ADAMTS17: variants seen among roughly 807,000 people sequenced by gnomAD.
ADAMTS17 encodes A disintegrin and metalloproteinase with thrombospondin motifs 17.
A neutral mutation model predicts 141.5 loss-of-function variants in ADAMTS17; 113 were observed. The ratio of observed to expected loss-of-function variants is 0.80; its 90% CI spans 0.69 to 0.93. The LOEUF (loss-of-function observed/expected upper bound fraction) is 0.93, where lower values mean the gene tolerates loss of function less well. ADAMTS17 is among the 40% of genes least tolerant of loss of function. The pLI is 0.00. For synonymous variants in ADAMTS17, 768 were observed against 630.6 expected (o/e 1.22, Z -3.27); for missense variants, 1,659 against 1,517.9 (o/e 1.09, Z -1.54).
In ADAMTS17 at chr15:100,116,984, C is replaced by T; in HGVS notation, c.1751G>A (p.Gly584Asp). ...GCAGACCGCATGTTCTACACTGGCA[C>T]CCGGGCAGTGTGTGCCTCCAGGCCC... ...PPGPGGTHCP[G>D]ASVEHAVCEN... The change falls in exon 13 of 22, where the codon GGT becomes GAT. Residue 584 changes from glycine to aspartate, a missense_variant. Coordinates refer to ENST00000268070, the MANE Select transcript of ADAMTS17 (RefSeq NM_139057.4). 1 of 1,613,336 alleles carries T rather than the reference C, an allele frequency of 6.2e-7. No individual in the cohort carries two copies. Among genetic ancestry groups the T allele is most frequent in the Non-Finnish European group, 8.5e-7 (1 of 1,179,772 alleles).
intron 4 of ADAMTS17, among the ~76,000 whole-genome samples, chr15:100,273,117 C>T (rs1402109058): frequency 2.0e-5 from 3 of 152,042 alleles, no homozygotes; most frequent in Non-Finnish European, 4.4e-5. Context: ...AGGACTTTTA[C>T]GTCAATGAAT....
Position 100,185,772 on chromosome 15 carries a change from G to A in ADAMTS17, c.1181+13546C>T, listed in dbSNP as rs548149549. ...ATAAAGACACTCAGTCCTTCCAGCC[G>A]TTTCCTTCATCATCCCCTTCCCTTG... On this transcript the variant is annotated intron_variant, in intron 8 of 21. Coordinates refer to ENST00000268070, the MANE Select transcript of ADAMTS17 (RefSeq NM_139057.4). Among the ~76,000 whole-genome samples the A allele has an allele frequency of 2.3e-4, 35 of 152,238 alleles. No homozygotes were observed. In the South Asian group the frequency reaches 5.6e-3, roughly 24 times the overall value.
intron 3 of ADAMTS17, among the ~76,000 whole-genome samples, chr15:100,282,012 T>G (rs1204642885): frequency 6.6e-6 from 1 of 152,194 alleles, no homozygotes; most frequent in African/African-American, 2.4e-5. Flanking sequence ...GGATTAGTAG[T>G]AGATGTGTGA....
chr15:99,981,067 G>A (rs935306822), intron 20 of ADAMTS17, among the ~76,000 whole-genome samples: 19 of 152,224 alleles, frequency 1.2e-4, no homozygotes, highest in African/African-American at 4.6e-4. Flanking sequence ...AGTTGCAGAG[G>A]TAGGAGTGGC....
intron 18 of ADAMTS17, among the ~76,000 whole-genome samples, chr15:100,001,620 G>T (rs894255268): frequency 6.6e-6 from 1 of 152,132 alleles, no homozygotes; most frequent in Non-Finnish European, 1.5e-5. Flanking sequence ...GGCAGTGTGT[G>T]AGAAATCTCT....
chr15:100,266,451 C>A (rs1279261904), intron 4 of ADAMTS17, among the ~76,000 whole-genome samples: 1 of 152,222 alleles, frequency 6.6e-6, no homozygotes, highest in Non-Finnish European at 1.5e-5. Flanking sequence ...GAACTCCATT[C>A]CCCCAGGTAA....
chr15:100,207,602 A>C (rs1037496241), intron 7 of ADAMTS17, among the ~76,000 whole-genome samples: 3 of 152,218 alleles, frequency 2.0e-5, no homozygotes, highest in African/African-American at 7.2e-5. Context: ...AAGTTGTAGG[A>C]GCATCAGGTT....
intron 12 of ADAMTS17, among the ~76,000 whole-genome samples, chr15:100,130,301 T>C (rs7162057): frequency 1.3e-5 from 2 of 150,838 alleles, no homozygotes; most frequent in Admixed American, 1.3e-4. Flanking sequence ...GAGGCGGAGG[T>C]TGCAGTGAGC....
intron 14 of ADAMTS17, among the ~76,000 whole-genome samples, chr15:100,097,984 G>A (rs2141027048): frequency 6.6e-6 from 1 of 152,298 alleles, no homozygotes; most frequent in Middle Eastern, 3.4e-3. Flanking sequence ...TAAAAGCTGA[G>A]CAAGTTGAGT....
intron 3 of ADAMTS17, among the ~76,000 whole-genome samples, chr15:100,330,340 C>G (rs535438505): frequency 1.4e-4 from 22 of 152,278 alleles, no homozygotes; most frequent in Non-Finnish European, 2.8e-4. Flanking sequence ...CTGGAGGACC[C>G]GTGAAACTAC....
intron 14 of ADAMTS17, among the ~76,000 whole-genome samples, chr15:100,104,132 T>A (rs1378959934): frequency 1.3e-5 from 2 of 152,212 alleles, no homozygotes; most frequent in African/African-American, 4.8e-5. Flanking sequence ...GGTCTGTCCA[T>A]CATCCAATGG....
chr15:100,261,337 A>G (rs2141994172), intron 6 of ADAMTS17, 142 bp downstream of exon 6: 1 of 1,045,176 alleles, frequency 9.6e-7, no homozygotes, highest in South Asian at 1.5e-5. Flanking sequence ...ACCCCCACTT[A>G]CTAATGAGGA....
At chr15:100,069,382 A>T (rs1208455282) in intron 15 of ADAMTS17, among the ~76,000 whole-genome samples, 14 of 152,206 alleles carry the variant, frequency 9.2e-5, no homozygotes. Context: ...AAATTCAGGA[A>T]ATACAGAGAA....
intron 12 of ADAMTS17, among the ~76,000 whole-genome samples, chr15:100,123,166 C>T (rs560430259): frequency 6.6e-6 from 1 of 152,124 alleles, no homozygotes; most frequent in Non-Finnish European, 1.5e-5. Flanking sequence ...GCGGGGCCAG[C>T]GAGTGCAGCA....
At chr15:100,279,921 T>C (rs1407447531) in intron 4 of ADAMTS17, among the ~76,000 whole-genome samples, 2 of 152,178 alleles carry the variant, frequency 1.3e-5, no homozygotes, top group African/African-American at 4.8e-5. Flanking sequence ...CCATCTGGCA[T>C]TGTTAACCAG....
At chr15:100,245,196 T>C (rs1446423181) in intron 7 of ADAMTS17, among the ~76,000 whole-genome samples, 1 of 152,032 alleles carries the variant, frequency 6.6e-6, no homozygotes, top group Non-Finnish European at 1.5e-5. Context: ...GTCACCAATA[T>C]CTTGTGCAGG....
chr15:100,206,372 C>A (rs74037556), intron 7 of ADAMTS17, among the ~76,000 whole-genome samples: 2 of 152,186 alleles, frequency 1.3e-5, no homozygotes, highest in African/African-American at 4.8e-5. Flanking sequence ...GACACCCCTC[C>A]CCTTACTGGC....
chr15:100,197,405 C>A (rs1349993711), intron 8 of ADAMTS17, among the ~76,000 whole-genome samples: 3 of 152,160 alleles, frequency 2.0e-5, no homozygotes, highest in Non-Finnish European at 4.4e-5. Context: ...TTAGGTACTA[C>A]GGCATGCTGG....
chr15:100,231,844 A>C (rs1317610872), intron 7 of ADAMTS17, among the ~76,000 whole-genome samples: 5 of 152,164 alleles, frequency 3.3e-5, no homozygotes, highest in African/African-American at 4.8e-5. Flanking sequence ...TCTTACCGTC[A>C]TCCTCAGGAG....
Sources: allele counts gnomAD v4.1 joint callset (sites outside exome capture counted in the v4.1 genomes callset), GRCh38; gene constraint gnomAD v4.1.1; transcripts MANE v1.5; gene names NCBI Gene and HGNC (gene_info 2026-07-23, HGNC 2026-07-21).